The following DTX1 variants were observed in gnomAD, a reference collection of about 807,000 sequenced individuals.
DTX1 encodes the protein deltex E3 ubiquitin ligase 1.
Under a neutral mutation model 57.8 loss-of-function variants are expected in DTX1, and 26 were observed. The ratio of observed to expected loss-of-function variants is 0.45; its 90% CI spans 0.33 to 0.62. The LOEUF is 0.62. DTX1 is among the 20% of genes least tolerant of loss of function. The pLI is 0.02. For missense variants in DTX1, 704 were observed against 895.3 expected (o/e 0.79, Z 2.73); for synonymous variants, 398 against 394.1 (o/e 1.01, Z -0.12).
chr12:113,094,126 GA>G, intron 6 of DTX1, 27 bp downstream of exon 6: 1 of 964,912 alleles, frequency 1.0e-6, no homozygotes, highest in Non-Finnish European at 1.6e-6. Flanking sequence ...GGGGCTGGGG[GA>G]GGGCCCTGGC....
At position 113,077,264 on chromosome 12, in the gene DTX1, C is replaced by T. The variant is rs1255243925; in HGVS notation, c.260-160C>T. ...CCTGGGCCTTGACCTCCTTCCTCTCCGTGCATGTGTTGACCCTCTCCCCAA... is the reference window on the plus strand; with the variant it reads ...CCTGGGCCTTGACCTCCTTCCTCTCTGTGCATGTGTTGACCCTCTCCCCAA... On this transcript the variant is annotated intron_variant, in intron 2 of 9. Transcript: ENST00000548759. The surrounding 1 kb of genome is among the most constrained non-coding windows in gnomAD (Gnocchi z 7.8). Among the ~76,000 whole-genome samples, 4 of 152,118 alleles carry T rather than the reference C, an allele frequency of 2.6e-5. No homozygotes were observed. The highest frequency in any genetic ancestry group is 6.5e-5 in the Admixed American group (1 of 15,280).
At chr12:113,078,933 G>C (rs781145939) in intron 3 of DTX1, among the ~76,000 whole-genome samples, 2 of 152,128 alleles carry the variant, frequency 1.3e-5, no homozygotes, top group Non-Finnish European at 2.9e-5. Context: ...AGGCAAACGA[G>C]AGTCTGTCTC....
At chr12:113,094,124 G>A (rs1950268277) in intron 6 of DTX1, 25 bp downstream of exon 6, 1 of 1,435,192 alleles carries the variant, frequency 7.0e-7, no homozygotes, top group Non-Finnish European at 9.6e-7. Context: ...GGGGGGCTGG[G>A]GGAGGGCCCT....
chr12:113,071,771 C>T (rs1314594144), intron 2 of DTX1, among the ~76,000 whole-genome samples: 2 of 152,258 alleles, frequency 1.3e-5, no homozygotes, highest in African/African-American at 4.8e-5. Flanking sequence ...GCCGGAGAGG[C>T]GGACGGATGG....
chr12:113,077,658 G>GGCGCCGCCGCCT lies in DTX1; in HGVS notation c.508_519dup (p.Arg170_Leu173dup). 2 of 1,586,118 alleles carry GGCGCCGCCGCCT rather than the reference G, an allele frequency of 1.3e-6. No homozygotes were observed. The highest frequency in any genetic ancestry group is 8.6e-7 in the Non-Finnish European group (1 of 1,169,508). On this transcript the variant is annotated inframe_insertion, in exon 3 of 10. Coordinates refer to ENST00000548759, the MANE Select transcript of DTX1 (RefSeq NM_004416.3). This position sits in a 1 kb window ranked among gnomAD's most constrained non-coding sequence, Gnocchi z 7.8. ...TCGCAGATGAACCGCCAGACGCGCC[G>GGCGCCGCCGCCT]GCGCCGCCGCCTGCGCCGCCGCCTG...
chr12:113,078,939 G>T (rs948856415), intron 3 of DTX1, among the ~76,000 whole-genome samples: 5 of 152,156 alleles, frequency 3.3e-5, no homozygotes, highest in Non-Finnish European at 7.3e-5. Context: ...ACGAGAGTCT[G>T]TCTCTCTGCT....
At chr12:113,080,325 C>A (rs1465584086) in intron 3 of DTX1, among the ~76,000 whole-genome samples, 1 of 152,174 alleles carries the variant, frequency 6.6e-6, no homozygotes, top group East Asian at 1.9e-4. Context: ...GTTATGGCCC[C>A]TTATAGACAG....
intron 3 of DTX1, among the ~76,000 whole-genome samples, chr12:113,087,507 G>A (rs1171490786): frequency 6.6e-6 from 1 of 152,068 alleles, no homozygotes; most frequent in African/African-American, 2.4e-5. Context: ...GGGAGGAGGG[G>A]GAGAAGGCAG....
At position 113,094,079 on chromosome 12, in the gene DTX1, G is replaced by A. The variant is rs372662785; in HGVS notation, c.1207G>A (p.Val403Met). 35 of 1,406,296 alleles carry A rather than the reference G, an allele frequency of 2.5e-5. No individual in the cohort carries two copies. Among genetic ancestry groups the A allele is most frequent in the Non-Finnish European group, 3.3e-5 (34 of 1,035,730 alleles). The allele number at this position is 1,406,296 out of a possible 1,614,324, so 87.1% of individuals were successfully genotyped here. ...TGTGGTTCGAAGATACATGCAGAAG[G>A]TGAAAAACCCACCTGATGAGGTGAG... ...EDVVRRYMQK[V>M]KNPPDEDCTI... Residue 403 changes from valine (V) to methionine (M), a missense_variant, in exon 6 of 10, where the codon GTG becomes ATG. Val to Met is a conservative substitution (Grantham distance 21, BLOSUM62 1). Coordinates refer to ENST00000548759, the MANE Select transcript of DTX1 (RefSeq NM_004416.3).
intron 2 of DTX1, among the ~76,000 whole-genome samples, chr12:113,061,539 G>A (rs1346745387): frequency 1.3e-5 from 2 of 152,190 alleles, no homozygotes; most frequent in Admixed American, 6.5e-5. Flanking sequence ...TTCCACATCC[G>A]TGAAATGGGT....
At position 113,068,646 on chromosome 12, in the gene DTX1, A is replaced by G. The variant is rs370396945; in HGVS notation, c.260-8778A>G. Among the ~76,000 whole-genome samples, 80 of 152,286 alleles carry G rather than the reference A, an allele frequency of 5.3e-4. 4 individuals are homozygous for G. In the South Asian group the frequency reaches 0.016, roughly 30 times the overall value. The stretch of plus-strand genomic sequence containing the variant: ...CAGCTTGTGATGGGCTTCAGAGGCT[A>G]CTCTAAGGAGTTTAGACTGATTCCT... On this transcript the variant is annotated intron_variant, in intron 2 of 9. Coordinates refer to ENST00000548759, the MANE Select transcript of DTX1 (RefSeq NM_004416.3).
At chr12:113,094,711 G>A (rs1950273281) in intron 6 of DTX1, 78 bp from the exon 7 acceptor site, 1 of 1,531,256 alleles carries the variant, frequency 6.5e-7, no homozygotes, top group East Asian at 2.4e-5. Context: ...TGCCTATGGT[G>A]ACCCACCAAG....
intron 2 of DTX1, among the ~76,000 whole-genome samples, chr12:113,065,137 G>T (rs796836369): frequency 1.7e-4 from 26 of 152,292 alleles, no homozygotes; most frequent in African/African-American, 6.3e-4. Context: ...GGCCCCGGGG[G>T]ACTCACAGCC....
Position 113,095,065 on chromosome 12 carries a change from C to T in DTX1, c.1410C>T (p.Thr470=). 6.2e-7 allele frequency: 1 copy of T among 1,612,634 alleles called. No individual in the cohort carries two copies. Among genetic ancestry groups the T allele is most frequent in the Non-Finnish European group, 8.5e-7 (1 of 1,178,780 alleles). The change falls in exon 8 of 10, where the codon ACC becomes ACT. Residue 470 remains threonine (T), a synonymous_variant. Transcript: ENST00000548759. The part of the protein sequence containing the change: ...GNKDGSLQCP[T]CKAIYGEKTG... Reference sequence around the variant, plus strand: ...AGGATGGCAGCCTGCAGTGCCCCACCTGCAAGGCCATCTACGGGGAGAAGA... The same window carrying T: ...AGGATGGCAGCCTGCAGTGCCCCACTTGCAAGGCCATCTACGGGGAGAAGA...
chr12:113,059,409 T>C (rs2044651721), intron 2 of DTX1, among the ~76,000 whole-genome samples: 1 of 152,010 alleles, frequency 6.6e-6, no homozygotes, highest in East Asian at 1.9e-4. Flanking sequence ...TTAGTGGTAT[T>C]GGTGATCCTG....
rs150657141 is a variant in DTX1, at chr12:113,097,328, C to T, written c.*389C>T. On this transcript the variant is annotated 3_prime_UTR_variant, in exon 10 of 10. Transcript: ENST00000548759. Reference sequence around the variant, plus strand: ...CCCATGTGGATCCCCATCTGTGTCTCAGTTGCATCTGTACAGCCTTGTCTG... The same window carrying T: ...CCCATGTGGATCCCCATCTGTGTCTTAGTTGCATCTGTACAGCCTTGTCTG... 533 of 211,770 alleles carry T rather than the reference C, an allele frequency of 2.5e-3. 2 individuals are homozygous for T. The highest frequency in any genetic ancestry group is 3.4e-3 in the Non-Finnish European group (360 of 106,566). 13.1% of individuals were successfully genotyped at this position (211,770 alleles called of 1,614,324 possible). A position where few individuals can be genotyped will look rare whatever the true frequency, so the allele number is the denominator to read the frequency against.
At chr12:113,095,528 A>G in intron 9 of DTX1, 114 bp downstream of exon 9, 1 of 1,370,594 alleles carries the variant, frequency 7.3e-7, no homozygotes, top group Non-Finnish European at 1.0e-6. Context: ...CATTCCTCCC[A>G]AAAGCAGCAC....
chr12:113,089,173 C>T (rs1305886701), intron 3 of DTX1, among the ~76,000 whole-genome samples: 2 of 151,928 alleles, frequency 1.3e-5, no homozygotes, highest in African/African-American at 4.8e-5. Context: ...TGGGAGTGTG[C>T]CTGGCATGCT....
chr12:113,075,959 G>A (rs571771248), intron 2 of DTX1, among the ~76,000 whole-genome samples: 2 of 152,086 alleles, frequency 1.3e-5, no homozygotes, highest in African/African-American at 4.8e-5. Context: ...TTACATTCTA[G>A]CGAGGGGGGG....
Sources: allele counts gnomAD v4.1 joint callset (sites outside exome capture counted in the v4.1 genomes callset), GRCh38; gene constraint gnomAD v4.1.1; non-coding constraint Gnocchi (gnomAD v3.1); transcripts MANE v1.5; gene names NCBI Gene and HGNC (gene_info 2026-07-23, HGNC 2026-07-21).